Variants in RIMS3 observed in about 807,000 individuals in gnomAD.
RIMS3 encodes the protein regulating synaptic membrane exocytosis protein 3.
Under a neutral mutation model 29.2 loss-of-function variants are expected in RIMS3, and 15 were observed. The observed-to-expected ratio is 0.51, with a 90% CI of 0.34 to 0.79. The LOEUF is 0.79. RIMS3 is among the 30% of genes least tolerant of loss of function. The pLI, the probability that RIMS3 is intolerant of heterozygous loss-of-function variation, is 0.01. For synonymous variants in RIMS3, 161 were observed against 170.1 expected, an observed-to-expected ratio of 0.95 and a Z score of 0.41; for missense variants, 342 against 421.4, an observed-to-expected ratio of 0.81 and a Z score of 1.65.
chr1:40,670,764 T>C, the RIMS3 span, among the ~76,000 whole-genome samples: 1 of 151,118 alleles, frequency 6.6e-6, no homozygotes, highest in East Asian at 1.9e-4. Flanking sequence ...AATTTTTGTG[T>C]TTTTTGTAGA....
rs569246233 is a variant in RIMS3 at position 40,635,792 on chromosome 1, G to A, written c.359+124C>T. 7.8e-7 allele frequency: 1 copy of A among 1,286,028 alleles called. No homozygotes were observed. The highest frequency in any genetic ancestry group is 1.3e-5 in the South Asian group (1 of 75,618). The allele number at this position is 1,286,028 out of a possible 1,614,324, so 79.7% of individuals were successfully genotyped here. On this transcript the variant is annotated intron_variant, in intron 4 of 7. Coordinates refer to ENST00000372684, the MANE Select transcript of RIMS3 (RefSeq NM_014747.3). This position sits in a 1 kb window ranked among gnomAD's most constrained non-coding sequence, Gnocchi z 4.1. ...GGGGAGGGGTATGAAGGAAGGCAGA[G>A]ACACAGAGGACCCAGACATTTTAGC...
chr1:40,672,400 G>A, the RIMS3 span, among the ~76,000 whole-genome samples: 3 of 151,744 alleles, frequency 2.0e-5, no homozygotes, highest in East Asian at 1.9e-4. Context: ...GGGTTTCACC[G>A]TGTTAGCCAA....
chr1:40,640,107 G>A (rs1373276722), intron 3 of RIMS3, among the ~76,000 whole-genome samples: 1 of 152,156 alleles, frequency 6.6e-6, no homozygotes. Flanking sequence ...CTTTGGGTCT[G>A]AAGCTGAATC....
intron 1 of RIMS3, among the ~76,000 whole-genome samples, chr1:40,665,053 T>C (rs1461789932): frequency 6.6e-6 from 1 of 152,048 alleles, no homozygotes; most frequent in Non-Finnish European, 1.5e-5. Context: ...CCAGCTCCCT[T>C]TCCAGGAGGG....
At chr1:40,668,803 A>T (rs1642457644), upstream of RIMS3, among the ~76,000 whole-genome samples, 2 of 152,032 alleles carry the variant, frequency 1.3e-5, no homozygotes, top group Non-Finnish European at 2.9e-5. Context: ...AACGGAGGGG[A>T]TATATCCTGG....
At chr1:40,670,723 G>T in the RIMS3 span, among the ~76,000 whole-genome samples, 1 of 150,454 alleles carries the variant, frequency 6.6e-6, no homozygotes, top group Non-Finnish European at 1.5e-5. Flanking sequence ...TGGGTAGCTG[G>T]GATTACAGGC....
intron 2 of RIMS3, among the ~76,000 whole-genome samples, chr1:40,643,603 A>C (rs1646575090): frequency 6.6e-6 from 1 of 151,504 alleles, no homozygotes; most frequent in African/African-American, 2.4e-5. Flanking sequence ...TAGCCTCCCA[A>C]GCAGCTTGGA....
intron 2 of RIMS3, among the ~76,000 whole-genome samples, chr1:40,643,023 A>G (rs1646569406): frequency 6.6e-6 from 1 of 152,144 alleles, no homozygotes; most frequent in Admixed American, 6.5e-5. Flanking sequence ...TGCTACCGTG[A>G]TATTCCATTG....
Position 40,622,553 on chromosome 1 carries a change from G to A in RIMS3, c.*3964C>T, listed in dbSNP as rs1646428351. 1.3e-5 allele frequency: 2 copies of A among 152,370 alleles called. No homozygotes were observed. Among genetic ancestry groups the A allele is most frequent in the Non-Finnish European group, 2.9e-5 (2 of 68,092 alleles). 9.4% of individuals were successfully genotyped at this position (152,370 alleles called of 1,614,324 possible). A position where few individuals can be genotyped will look rare whatever the true frequency, so the allele number is the denominator to read the frequency against. On this transcript the variant is annotated 3_prime_UTR_variant, in exon 8 of 8. Transcript: ENST00000372684. ...GAGGAGTGGAAGAGAAAGGTAGGAG[G>A]AGGCAGGGAAGCAGGGCTCTTCTTT...
At chr1:40,656,373 G>A (rs1570199409) in intron 1 of RIMS3, among the ~76,000 whole-genome samples, 1 of 152,196 alleles carries the variant, frequency 6.6e-6, no homozygotes, top group East Asian at 1.9e-4. Context: ...AACAAACACA[G>A]TAAAAACAGT....
At chr1:40,679,402 T>C in the RIMS3 span, among the ~76,000 whole-genome samples, 1 of 152,140 alleles carries the variant, frequency 6.6e-6, no homozygotes, top group East Asian at 1.9e-4. Context: ...GGGTCCAGAG[T>C]GGGAAAGATA....
chr1:40,646,572 T>A (rs1646597255), intron 2 of RIMS3, among the ~76,000 whole-genome samples: 1 of 152,124 alleles, frequency 6.6e-6, no homozygotes, highest in African/African-American at 2.4e-5. Context: ...GAGACCTCAC[T>A]CTGAAGTTCT....
chr1:40,632,295 A>T (rs1646493588), intron 5 of RIMS3, among the ~76,000 whole-genome samples: 1 of 151,920 alleles, frequency 6.6e-6, no homozygotes, highest in African/African-American at 2.4e-5. Flanking sequence ...TATAATGGAG[A>T]ATATATAGAA....
intron 1 of RIMS3, among the ~76,000 whole-genome samples, chr1:40,664,889 C>G (rs562602456): frequency 6.6e-6 from 1 of 152,176 alleles, no homozygotes; most frequent in African/African-American, 2.4e-5. Context: ...TTCCCAAAGC[C>G]CCCTCTTCCC....
the RIMS3 span, among the ~76,000 whole-genome samples, chr1:40,689,118 T>A: frequency 7.2e-5 from 11 of 152,328 alleles, no homozygotes; most frequent in South Asian, 6.2e-4. Flanking sequence ...CACACAACAT[T>A]ACAGGTTATG....
chr1:40,651,162 T>G (rs951863463), intron 1 of RIMS3, among the ~76,000 whole-genome samples: 7 of 152,182 alleles, frequency 4.6e-5, no homozygotes, highest in Non-Finnish European at 1.0e-4. Flanking sequence ...TCCCTCAGAA[T>G]GTGACTTGGT....
At chr1:40,685,661 A>C in the RIMS3 span, among the ~76,000 whole-genome samples, 43,650 of 151,636 alleles carry the variant, frequency 0.29, 7,482 homozygotes, top group East Asian at 0.41. Context: ...TATGGGAAGT[A>C]AGACCTCGGA....
chr1:40,654,396 A>C lies in RIMS3; in HGVS notation c.-206-6554T>G, dbSNP rs1422901312. Among the ~76,000 whole-genome samples, 2 of 152,152 alleles carry C rather than the reference A, an allele frequency of 1.3e-5. No individual in the cohort carries two copies. On this transcript the variant is annotated intron_variant, in intron 1 of 7. Coordinates refer to ENST00000372684, the MANE Select transcript of RIMS3 (RefSeq NM_014747.3). This position sits in a 1 kb window ranked among gnomAD's most constrained non-coding sequence, Gnocchi z 5.3. ...CTCCACCCCCGGACCCTTTCAGGGC[A>C]CAAAGACCCGCACGCAAGCCATACA...
In RIMS3 at chr1:40,652,586, G is replaced by A. The variant is rs572653762; in HGVS notation, c.-206-4744C>T. ...GGCGGCAACTACTGGGAAGGCCCAG[G>A]GAGAAAACGTTGTGTTCAGAGGCTG... On this transcript the variant is annotated intron_variant, in intron 1 of 7. Coordinates refer to ENST00000372684, the MANE Select transcript of RIMS3 (RefSeq NM_014747.3). Among the ~76,000 whole-genome samples the A allele has an allele frequency of 5.8e-4, 88 of 152,312 alleles. 1 individual carries two copies. Among genetic ancestry groups the A allele is most frequent in the Admixed American group, 3.1e-3 (47 of 15,306 alleles).
Sources: gnomAD v4.1 joint callset for allele counts (sites outside exome capture counted in the v4.1 genomes callset) on GRCh38, gnomAD v4.1.1 for gene constraint, Gnocchi (gnomAD v3.1) non-coding constraint, MANE v1.5 for transcripts, NCBI Gene and HGNC (gene_info 2026-07-23, HGNC 2026-07-21) for gene names.